Variants in DPP4 observed in about 807,000 individuals in gnomAD.
DPP4 encodes the protein ADCP-2.
Under a neutral mutation model 122.4 loss-of-function variants are expected in DPP4, and 93 were observed. The ratio of observed to expected loss-of-function variants is 0.76; its 90% CI spans 0.64 to 0.90. DPP4 has a LOEUF of 0.90. Among genes scored for constraint, DPP4 ranks in the 40% least tolerant of loss-of-function variants. The probability of loss-of-function intolerance (pLI) is 0.00; values close to 1 mark genes in which losing one functional copy is unlikely to be tolerated. For synonymous variants in DPP4, 321 were observed against 302.9 expected (o/e 1.06, Z -0.62); for missense variants, 914 against 907.3 (o/e 1.01, Z -0.09).
chr2:161,993,730 A>G (rs768997032), intron 25 of DPP4, among the ~76,000 whole-genome samples: 46 of 152,338 alleles, frequency 3.0e-4, no homozygotes, highest in Non-Finnish European at 6.3e-4. Context: ...GGGCGCTTAC[A>G]CAGCATGCAT....
intron 5 of DPP4, among the ~76,000 whole-genome samples, chr2:162,042,436 T>C (rs1576059732): frequency 6.6e-6 from 1 of 152,280 alleles, no homozygotes; most frequent in East Asian, 1.9e-4. Flanking sequence ...AGCCACAACT[T>C]GGAAGTGATA....
At chr2:162,066,183 C>T (rs563373571) in intron 2 of DPP4, among the ~76,000 whole-genome samples, 14 of 152,096 alleles carry the variant, frequency 9.2e-5, no homozygotes, top group Non-Finnish European at 2.1e-4. Context: ...CCATCCTTAC[C>T]TTCTCTCCTT....
chr2:162,013,827 T>A (rs923038686), intron 19 of DPP4, among the ~76,000 whole-genome samples: 11 of 152,126 alleles, frequency 7.2e-5, no homozygotes, highest in Admixed American at 7.2e-4. Flanking sequence ...TAAAAAATAT[T>A]TTACAAAGCT....
intron 5 of DPP4, among the ~76,000 whole-genome samples, chr2:162,041,362 G>A (rs191117166): frequency 6.6e-6 from 1 of 152,046 alleles, no homozygotes; most frequent in Non-Finnish European, 1.5e-5. Flanking sequence ...GCCACATAGT[G>A]AGTGTTCAAG....
At chr2:162,055,539 T>C (rs909366602) in intron 2 of DPP4, among the ~76,000 whole-genome samples, 2 of 151,120 alleles carry the variant, frequency 1.3e-5, no homozygotes, top group African/African-American at 4.9e-5. Flanking sequence ...TCTACTAAAA[T>C]ACAAAAAAAA....
intron 2 of DPP4, among the ~76,000 whole-genome samples, chr2:162,062,244 T>C (rs1684800936): frequency 6.6e-6 from 1 of 152,194 alleles, no homozygotes; most frequent in Non-Finnish European, 1.5e-5. Flanking sequence ...ACTGCATCGC[T>C]GCACTCCAGC....
intron 18 of DPP4, among the ~76,000 whole-genome samples, chr2:162,016,252 G>T (rs1360434628): frequency 3.3e-5 from 5 of 152,094 alleles, no homozygotes; most frequent in Non-Finnish European, 5.9e-5. Flanking sequence ...GAAACCCATT[G>T]TTCTTACTGG....
Position 162,005,828 on chromosome 2 carries a change from T to TA in DPP4, c.1988-20dup, listed in dbSNP as rs11343430. ...ACTGAGTCTGTGAAAGAAAAAAAAA[T>TA]AAAAAAAAGTTTAATTCATACAATA... On this transcript the variant is annotated intron_variant, in intron 22 of 25. Coordinates refer to ENST00000360534, the MANE Select transcript of DPP4 (RefSeq NM_001935.4). 315 of 1,598,946 alleles carry TA rather than the reference T, an allele frequency of 2.0e-4. No homozygotes were observed. Among genetic ancestry groups the TA allele is most frequent in the Non-Finnish European group, 2.6e-4 (303 of 1,172,060 alleles).
Position 161,992,905 on chromosome 2 carries a change from A to ATGAGCCACTTCATAAAACAATGTTTC in DPP4, c.*377_*378insGAAACATTGTTTTATGAAGTGGCTCA. ...CTGCCCTAGTGACATCACTGCCCAC[A>ATGAGCCACTTCATAAAACAATGTTTC]TCTTGCCATCCCTTTAAAGAAGAGA... On this transcript the variant is annotated 3_prime_UTR_variant, in exon 26 of 26. Coordinates refer to ENST00000360534, the MANE Select transcript of DPP4 (RefSeq NM_001935.4). The ATGAGCCACTTCATAAAACAATGTTTC allele has an allele frequency of 4.7e-6, 1 of 213,826 alleles. No homozygotes were observed. 13.2% of individuals were successfully genotyped at this position (213,826 alleles called of 1,614,324 possible).
chr2:162,062,986 G>GA (rs146559029), intron 2 of DPP4, among the ~76,000 whole-genome samples: 21,120 of 143,252 alleles, frequency 0.15, 2,045 homozygotes, highest in Admixed American at 0.26. Context: ...AGGGAAGTAA[G>GA]AAAAAAAAAA....
chr2:162,007,833 T>C (rs936865265), intron 22 of DPP4, among the ~76,000 whole-genome samples: 3 of 152,170 alleles, frequency 2.0e-5, no homozygotes, highest in African/African-American at 7.2e-5. Flanking sequence ...TCTTTTTCTC[T>C]GGGTACTACC....
Position 162,018,863 on chromosome 2 carries a change from C to G in DPP4, c.1299-13G>C, listed in dbSNP as rs201124740. ...ACTAAGTTGGATTCTGTAAAACCAACGGTGGAAATTAAGTGCTTGAAGAAA... is the reference window on the plus strand; with the variant it reads ...ACTAAGTTGGATTCTGTAAAACCAAGGGTGGAAATTAAGTGCTTGAAGAAA... On this transcript the variant is annotated splice_polypyrimidine_tract_variant and intron_variant, in intron 15 of 25. Coordinates refer to ENST00000360534, the MANE Select transcript of DPP4 (RefSeq NM_001935.4). The G allele has an allele frequency of 1.2e-6, 2 of 1,612,556 alleles. No homozygotes were observed. The highest frequency in any genetic ancestry group is 2.2e-5 in the South Asian group (2 of 90,666).
chr2:162,072,262 A>C (rs1484218028), intron 2 of DPP4, among the ~76,000 whole-genome samples: 1 of 152,246 alleles, frequency 6.6e-6, no homozygotes, highest in African/African-American at 2.4e-5. Context: ...TGTATGGTTT[A>C]CACAAAGAGT....
At position 162,014,393 on chromosome 2, in the gene DPP4, T is replaced by C; in HGVS notation, c.1637+3A>G. ...AAATTGCTCCCTTCTCTTGAATACT[T>C]ACACATCTAATAGTAGAGGATATTT... On this transcript the variant is annotated splice_donor_region_variant and intron_variant, in intron 19 of 25. Transcript: ENST00000360534. The C allele has an allele frequency of 6.2e-7, 1 of 1,603,490 alleles. No homozygotes were observed.
intron 2 of DPP4, among the ~76,000 whole-genome samples, chr2:162,051,397 CT>C (rs1277335009): frequency 1.3e-5 from 2 of 152,188 alleles, no homozygotes; most frequent in Non-Finnish European, 2.9e-5. Flanking sequence ...TCATACTAAA[CT>C]TTTTTGTCTG....
chr2:162,066,125 G>A (rs1324568525), intron 2 of DPP4, among the ~76,000 whole-genome samples: 1 of 152,122 alleles, frequency 6.6e-6, no homozygotes, highest in Non-Finnish European at 1.5e-5. Flanking sequence ...ACAGCCAGGA[G>A]GCAAGAGAAA....
rs1700891816 is a variant in DPP4, at chr2:161,992,581, T to C, written c.*702A>G. ...TACAATGCTTTCCCATCACCCTTGC[T>C]GTGTTTTTGTAGCACCTATAGCCAT... On this transcript the variant is annotated 3_prime_UTR_variant, in exon 26 of 26. Coordinates refer to ENST00000360534, the MANE Select transcript of DPP4 (RefSeq NM_001935.4). 1 of 152,732 alleles carries C rather than the reference T, an allele frequency of 6.5e-6. No homozygotes were observed. Among genetic ancestry groups the C allele is most frequent in the African/African-American group, 2.4e-5 (1 of 41,466 alleles). 9.5% of individuals were successfully genotyped at this position (152,732 alleles called of 1,614,324 possible).
intron 6 of DPP4, 44 bp from the exon 7 acceptor site, chr2:162,039,065 A>T: frequency 6.2e-7 from 1 of 1,612,204 alleles, no homozygotes; most frequent in Non-Finnish European, 8.5e-7. Flanking sequence ...AGAATAACTC[A>T]CATTGGGGTT....
At chr2:162,064,265 G>C (rs1159151953) in intron 2 of DPP4, among the ~76,000 whole-genome samples, 2 of 152,108 alleles carry the variant, frequency 1.3e-5, no homozygotes, top group Non-Finnish European at 2.9e-5. Context: ...AAGGAATAAG[G>C]GTCCACTGGC....
Sources: allele counts gnomAD v4.1 joint callset (sites outside exome capture counted in the v4.1 genomes callset), GRCh38; gene constraint gnomAD v4.1.1; transcripts MANE v1.5; gene names NCBI Gene and HGNC (gene_info 2026-07-23, HGNC 2026-07-21).